MBD5: variants seen among roughly 807,000 people sequenced by gnomAD.
The protein encoded by MBD5 is methyl-CpG-binding domain protein 5.
MBD5 carries 13 observed loss-of-function variants against 117.3 expected under a neutral mutation model. That is an observed-to-expected ratio of 0.11 (90% CI 0.07 to 0.18). The LOEUF (loss-of-function observed/expected upper bound fraction) is 0.18. MBD5 is among the 10% of genes least tolerant of loss of function. The probability of loss-of-function intolerance (pLI) is 1.00; values close to 1 mark genes in which losing one functional copy is unlikely to be tolerated. For synonymous variants in MBD5, 727 were observed against 766.4 expected (o/e 0.95, Z 0.85); for missense variants, 1,879 against 2,093.8 (o/e 0.90, Z 2.00).
At chr2:148,301,585 G>A (rs948507846) in intron 3 of MBD5, among the ~76,000 whole-genome samples, 2 of 152,204 alleles carry the variant, frequency 1.3e-5, no homozygotes, top group Non-Finnish European at 2.9e-5. Context: ...CAAGTGCACG[G>A]TTTGACCTTT....
rs915050060 is a variant in MBD5, at chr2:148,268,321, A to T, written c.-680+34926A>T. Among the ~76,000 whole-genome samples the T allele has an allele frequency of 5.9e-5, 9 of 151,888 alleles. No individual in the cohort carries two copies. In the South Asian group the frequency reaches 8.3e-4, roughly 14 times the overall value. ...GGTCTTGAATTCCTAATCTCACGCAATCCCCCCACCCAGGCCTCCCAAAGT... is the reference window on the plus strand; with the variant it reads ...GGTCTTGAATTCCTAATCTCACGCATTCCCCCCACCCAGGCCTCCCAAAGT... On this transcript the variant is annotated intron_variant, in intron 3 of 13. Transcript: ENST00000642680.
intron 1 of MBD5, among the ~76,000 whole-genome samples, chr2:148,124,957 T>C (rs1002999866): frequency 1.3e-5 from 2 of 150,924 alleles, no homozygotes; most frequent in African/African-American, 4.8e-5. Flanking sequence ...ATGATATATA[T>C]GTAAAAATAT....
chr2:148,355,477 C>A (rs1255158636), intron 4 of MBD5, among the ~76,000 whole-genome samples: 1 of 152,004 alleles, frequency 6.6e-6, no homozygotes. Flanking sequence ...AGGAAGGGAT[C>A]CAGTTTCTGT....
Position 148,470,300 on chromosome 2 carries a change from A to G in MBD5, c.2357A>G (p.Gln786Arg). The G allele has an allele frequency of 6.2e-7, 1 of 1,613,954 alleles. No homozygotes were observed. Among genetic ancestry groups the G allele is most frequent in the Non-Finnish European group, 8.5e-7 (1 of 1,179,908 alleles). The change falls in exon 8 of 14, where the codon CAG (glutamine) becomes CGG (arginine). Residue 786 changes from glutamine (Q) to arginine (R), a missense_variant. By Grantham distance (43) the Gln-to-Arg change is conservative (BLOSUM62 1). Transcript: ENST00000642680. ...PNHHLAGLIN[Q>R]IQASGNCGML... ...CACCATCTTGCAGGTTTAATAAATC[A>G]GATTCAGGCTAGCGGGAACTGTGGG...
chr2:148,427,122 C>G lies in MBD5; in HGVS notation c.-556-31081C>G, dbSNP rs1344720425. ...ATGAGATACCATCTCACACCAGTTA[C>G]AATGGCAATCATTAAAAAGTCAGGA... is the stretch of plus-strand genomic sequence containing the variant. On this transcript the variant is annotated intron_variant, in intron 4 of 13. Transcript: ENST00000642680. Among the ~76,000 whole-genome samples the G allele has an allele frequency of 2.0e-4, 30 of 152,104 alleles. 2 individuals carry two copies. Among genetic ancestry groups the G allele is most frequent in the Admixed American group, 1.1e-3 (17 of 15,256 alleles).
chr2:148,468,774 A>C lies in MBD5; in HGVS notation c.831A>C (p.Ser277=). ...ATAGGACTCCTCTTTCTCCACCTTC[A>C]GTAATGCTACATGGTTCTCCTGTAC... is the stretch of plus-strand genomic sequence containing the variant. ...HLNRTPLSPP[S]VMLHGSPVQS... Residue 277 remains serine, a synonymous_variant, in exon 8 of 14, where the codon TCA becomes TCC. Transcript: ENST00000642680. The C allele has an allele frequency of 1.2e-6, 2 of 1,613,934 alleles. No homozygotes were observed. Among genetic ancestry groups the C allele is most frequent in the Non-Finnish European group, 1.7e-6 (2 of 1,179,874 alleles).
intron 2 of MBD5, among the ~76,000 whole-genome samples, chr2:148,226,830 T>C (rs1699835775): frequency 6.6e-6 from 1 of 152,222 alleles, no homozygotes; most frequent in Non-Finnish European, 1.5e-5. Flanking sequence ...TGGTATCTCA[T>C]TGTGGTTTTG....
intron 4 of MBD5, among the ~76,000 whole-genome samples, chr2:148,452,080 C>T (rs1211293596): frequency 6.6e-6 from 1 of 152,086 alleles, no homozygotes; most frequent in Non-Finnish European, 1.5e-5. Flanking sequence ...TTATTTTTAT[C>T]ATTAATCATT....
chr2:148,274,724 TG>T lies in MBD5; in HGVS notation c.-680+41330del, dbSNP rs749287855. Reference sequence around the variant, plus strand: ...CACTTAAAAATTAATTGAGTTTTTTTGTTTTTTTTTTTTTTGAGACAGAGTT... The same window carrying T: ...CACTTAAAAATTAATTGAGTTTTTTTTTTTTTTTTTTTTTGAGACAGAGTT... On this transcript the variant is annotated intron_variant, in intron 3 of 13. Transcript: ENST00000642680. Among the ~76,000 whole-genome samples the T allele has an allele frequency of 2.6e-3, 286 of 111,314 alleles. 1 individual carries two copies. Among genetic ancestry groups the T allele is most frequent in the African/African-American group, 6.3e-3 (203 of 32,242 alleles). The allele number at this position is 111,314 out of a possible 152,430, so 73.0% of individuals were successfully genotyped here. A position where few individuals can be genotyped will look rare whatever the true frequency, so the allele number is the denominator to read the frequency against.
chr2:148,087,080 A>C (rs1323533370), intron 1 of MBD5, among the ~76,000 whole-genome samples: 1 of 152,302 alleles, frequency 6.6e-6, no homozygotes, highest in South Asian at 2.1e-4. Flanking sequence ...ACTCGGATGA[A>C]TAGAACAGCA....
intron 1 of MBD5, among the ~76,000 whole-genome samples, chr2:148,051,604 A>AGTGTGTGTGTGTGTGT (rs59584574): frequency 3.6e-5 from 5 of 139,236 alleles, no homozygotes; most frequent in African/African-American, 5.3e-5. Context: ...CTGTTTGTTG[A>AGTGTGTGTGTGTGTGT]GTGTGTGTGT....
intron 2 of MBD5, among the ~76,000 whole-genome samples, chr2:148,232,090 A>G (rs1036753188): frequency 6.6e-6 from 1 of 152,222 alleles, no homozygotes; most frequent in African/African-American, 2.4e-5. Flanking sequence ...CTAAAGAGAC[A>G]TTCCAATCTG....
At chr2:148,047,192 T>C (rs1248982261) in intron 1 of MBD5, among the ~76,000 whole-genome samples, 1 of 152,204 alleles carries the variant, frequency 6.6e-6, no homozygotes, top group Non-Finnish European at 1.5e-5. Flanking sequence ...AATGATGCAC[T>C]CATTTAACTT....
chr2:148,071,402 G>C (rs1260957109), intron 1 of MBD5: 1 of 151,250 alleles, frequency 6.6e-6, no homozygotes, highest in Non-Finnish European at 1.5e-5. Flanking sequence ...CAGGTATTGT[G>C]GTAAGTCACT....
chr2:148,437,085 C>T (rs1029028361), intron 4 of MBD5, among the ~76,000 whole-genome samples: 2 of 151,972 alleles, frequency 1.3e-5, no homozygotes, highest in African/African-American at 2.4e-5. Context: ...CTGGCTCAAG[C>T]GATTCTCCTG....
chr2:148,051,282 T>G (rs576137576), intron 1 of MBD5, among the ~76,000 whole-genome samples: 1 of 151,990 alleles, frequency 6.6e-6, no homozygotes, highest in South Asian at 2.1e-4. Context: ...ATTCTGCATT[T>G]TTGCAGACCT....
At chr2:148,085,490 C>T (rs1434287428) in intron 1 of MBD5, among the ~76,000 whole-genome samples, 1 of 151,868 alleles carries the variant, frequency 6.6e-6, no homozygotes, top group African/African-American at 2.4e-5. Flanking sequence ...TTTGGGAGGC[C>T]AAGGCGGGCG....
chr2:148,072,614 A>C lies in MBD5; in HGVS notation c.-925+50930A>C, dbSNP rs1695393668. 3.9e-5 allele frequency among the ~76,000 whole-genome samples: 6 copies of C among 152,170 alleles called. No homozygotes were observed. In the South Asian group the frequency reaches 1.2e-3, roughly 32 times the overall value. ...TAGATTTAATACGACGTGCCTCTTC[A>C]GTTCTTTAGGCACATGTGAATTAAT... is the stretch of plus-strand genomic sequence containing the variant. On this transcript the variant is annotated intron_variant, in intron 1 of 13. Coordinates refer to ENST00000642680, the MANE Select transcript of MBD5 (RefSeq NM_001378120.1).
intron 2 of MBD5, among the ~76,000 whole-genome samples, chr2:148,195,712 CAG>C (rs1433745406): frequency 1.3e-5 from 2 of 151,994 alleles, no homozygotes; most frequent in Non-Finnish European, 2.9e-5. Flanking sequence ...CTGAACAAAA[CAG>C]AATTAAGTTA....
Sources: gnomAD v4.1 joint callset for allele counts (sites outside exome capture counted in the v4.1 genomes callset) on GRCh38, gnomAD v4.1.1 for gene constraint, MANE v1.5 for transcripts, NCBI Gene and HGNC (gene_info 2026-07-23, HGNC 2026-07-21) for gene names.